Variants in MBNL2 observed in about 807,000 individuals in gnomAD.
MBNL2 encodes the protein muscleblind like splicing regulator 2, also known as muscleblind-like protein 2.
Under a neutral mutation model 41.9 loss-of-function variants are expected in MBNL2, and 17 were observed. That is an observed-to-expected ratio of 0.41 (90% CI 0.28 to 0.61). The LOEUF (loss-of-function observed/expected upper bound fraction) is 0.61. Among genes scored for constraint, MBNL2 ranks in the 20% least tolerant of loss-of-function variants. The pLI is 0.35. For synonymous variants in MBNL2, 195 were observed against 182.9 expected, an observed-to-expected ratio of 1.07 and a Z score of -0.53; for missense variants, 336 against 505.6, an observed-to-expected ratio of 0.66 and a Z score of 3.22.
the MBNL2 span, among the ~76,000 whole-genome samples, chr13:97,157,785 G>A: frequency 1.3e-5 from 2 of 151,258 alleles, no homozygotes; most frequent in Non-Finnish European, 2.9e-5. Context: ...TGTGCTGCTG[G>A]ATTTGGTTTG....
the MBNL2 span, among the ~76,000 whole-genome samples, chr13:97,200,996 C>T: frequency 5.3e-5 from 8 of 151,936 alleles, no homozygotes; most frequent in South Asian, 1.7e-3. Flanking sequence ...TTTTTCCCTA[C>T]TATGACCTCA....
chr13:97,248,103 T>C (rs143469582), intron 1 of MBNL2, among the ~76,000 whole-genome samples: 1 of 152,336 alleles, frequency 6.6e-6, no homozygotes, highest in East Asian at 1.9e-4. Context: ...TATATATACG[T>C]ATGTGTGTGT....
the MBNL2 span, among the ~76,000 whole-genome samples, chr13:97,185,243 A>G: frequency 1.3e-5 from 2 of 152,234 alleles, no homozygotes; most frequent in Non-Finnish European, 2.9e-5. Flanking sequence ...CCTGAAGTTG[A>G]CCTGCAGTAA....
chr13:97,315,009 T>C (rs961454439), intron 2 of MBNL2, among the ~76,000 whole-genome samples: 2 of 152,160 alleles, frequency 1.3e-5, no homozygotes, highest in African/African-American at 2.4e-5. Context: ...TGAAATGTAT[T>C]TTCATATATA....
At chr13:97,296,375 A>T (rs1372999785) in intron 2 of MBNL2, among the ~76,000 whole-genome samples, 1 of 152,232 alleles carries the variant, frequency 6.6e-6, no homozygotes, top group African/African-American at 2.4e-5. Context: ...ATTAACCTTT[A>T]AATCAGATAT....
At chr13:97,218,440 C>CAAAACAAAACAAACAA (rs55815508), upstream of MBNL2, among the ~76,000 whole-genome samples, 1 of 117,974 alleles carries the variant, frequency 8.5e-6, no homozygotes, top group Non-Finnish European at 1.7e-5. Flanking sequence ...CAAAACAAAA[C>CAAAACAAAACAAACAA]AAAAAAAAAA....
the MBNL2 span, among the ~76,000 whole-genome samples, chr13:97,142,160 A>G: frequency 3.3e-5 from 5 of 152,226 alleles, no homozygotes; most frequent in Admixed American, 2.0e-4. Flanking sequence ...TTCTCATTTA[A>G]TGAGAATTGA....
chr13:97,221,017 A>T (rs2040813958), upstream of MBNL2, among the ~76,000 whole-genome samples: 1 of 152,276 alleles, frequency 6.6e-6, no homozygotes, highest in African/African-American at 2.4e-5. Flanking sequence ...GAATGTAAGT[A>T]TAAAAACTGA....
rs937282380 is a variant in MBNL2, at chr13:97,271,115, T to TG, written c.-604-4517_-604-4516insG. Among the ~76,000 whole-genome samples the TG allele has an allele frequency of 1.4e-4, 21 of 150,528 alleles. 1 individual carries two copies. Among genetic ancestry groups the TG allele is most frequent in the Non-Finnish European group, 2.2e-4 (15 of 67,672 alleles). On this transcript the variant is annotated intron_variant, in intron 1 of 8. Transcript: ENST00000679496. ...TTGGGTACACCTGCTCTTTTTTGTT[T>TG]TTTTTTTTTTGTTTTTTTTTTTTGA...
intron 2 of MBNL2, among the ~76,000 whole-genome samples, chr13:97,323,982 T>C (rs954556045): frequency 2.0e-5 from 3 of 152,210 alleles, no homozygotes; most frequent in African/African-American, 7.2e-5. Context: ...TTGTTGACTA[T>C]AGTCACCCTA....
chr13:97,333,612 A>G (rs1318676812), intron 2 of MBNL2, among the ~76,000 whole-genome samples: 1 of 152,192 alleles, frequency 6.6e-6, no homozygotes, highest in East Asian at 1.9e-4. Context: ...TCACCAAGAA[A>G]TGTCCACCCC....
the MBNL2 span, among the ~76,000 whole-genome samples, chr13:97,150,089 A>C: frequency 6.6e-6 from 1 of 152,174 alleles, no homozygotes; most frequent in Non-Finnish European, 1.5e-5. Context: ...GTAACTAAAA[A>C]TGGAGAGTTT....
At position 97,356,860 on chromosome 13, in the gene MBNL2, C is replaced by G; in HGVS notation, c.858+11C>G. 7.4e-7 allele frequency: 1 copy of G among 1,353,298 alleles called. No individual in the cohort carries two copies. The highest frequency in any genetic ancestry group is 9.9e-7 in the Non-Finnish European group (1 of 1,011,670). 83.8% of individuals were successfully genotyped at this position (1,353,298 alleles called of 1,614,324 possible). A position where few individuals can be genotyped will look rare whatever the true frequency, so the allele number is the denominator to read the frequency against. On this transcript the variant is annotated intron_variant, in intron 6 of 8. Transcript: ENST00000679496. ...GCAACTGTAGACCTGGTACTTTGAC[C>G]TTTCACCTTTCGCTTTGCATGTAGC...
chr13:97,224,752 T>C (rs1303676123), intron 1 of MBNL2, among the ~76,000 whole-genome samples: 2 of 151,808 alleles, frequency 1.3e-5, no homozygotes, highest in Non-Finnish European at 2.9e-5. Flanking sequence ...TTAAGATACA[T>C]AGTCATATAC....
At chr13:97,345,763 C>G (rs367592591) in intron 4 of MBNL2, among the ~76,000 whole-genome samples, 1 of 149,502 alleles carries the variant, frequency 6.7e-6, no homozygotes, top group Non-Finnish European at 1.5e-5. Context: ...CACCCCACCC[C>G]ACCCCACCCC....
intron 1 of MBNL2, among the ~76,000 whole-genome samples, chr13:97,230,341 A>G (rs1461804380): frequency 6.6e-6 from 1 of 152,194 alleles, no homozygotes; most frequent in East Asian, 1.9e-4. Context: ...ATAAATGGGA[A>G]TAGGGTTGAA....
At chr13:97,303,093 A>T (rs1368207677) in intron 2 of MBNL2, among the ~76,000 whole-genome samples, 1 of 152,184 alleles carries the variant, frequency 6.6e-6, no homozygotes, top group Non-Finnish European at 1.5e-5. Flanking sequence ...TGTGGCTTCA[A>T]GCTTCAACCT....
At chr13:97,171,853 G>A in the MBNL2 span, among the ~76,000 whole-genome samples, 5 of 152,144 alleles carry the variant, frequency 3.3e-5, no homozygotes, top group Non-Finnish European at 7.3e-5. Context: ...TCTCATGGTA[G>A]CGAATAAGTC....
intron 1 of MBNL2, among the ~76,000 whole-genome samples, chr13:97,251,519 T>G (rs1426450663): frequency 6.6e-6 from 1 of 151,310 alleles, no homozygotes; most frequent in Non-Finnish European, 1.5e-5. Context: ...CAAGTGGATG[T>G]TGCACAAAAA....
Sources: allele counts gnomAD v4.1 joint callset (sites outside exome capture counted in the v4.1 genomes callset), GRCh38; gene constraint gnomAD v4.1.1; transcripts MANE v1.5; gene names NCBI Gene and HGNC (gene_info 2026-07-23, HGNC 2026-07-21).